Variants in KIF4A observed in about 807,000 individuals in gnomAD.
KIF4A encodes chromosome-associated kinesin KIF4A.
A neutral mutation model predicts 105.9 loss-of-function variants in KIF4A; 7 were observed. The ratio of observed to expected loss-of-function variants is 0.07; its 90% confidence interval spans 0.04 to 0.12. The LOEUF is 0.12. Among genes scored for constraint, KIF4A ranks in the 10% least tolerant of loss-of-function variants. The probability of loss-of-function intolerance (pLI) is 1.00; values close to 1 mark genes in which losing one functional copy is unlikely to be tolerated. For missense variants in KIF4A, 558 were observed against 929.2 expected, an observed-to-expected ratio of 0.60 and a Z score of 5.19; for synonymous variants, 281 against 331.3, an observed-to-expected ratio of 0.85 and a Z score of 1.65.
At chrX:70,315,920 C>T (rs770772567) in intron 7 of KIF4A, among the ~76,000 whole-genome samples, 9 of 111,818 alleles carry the variant, frequency 8.0e-5, no homozygotes, top group Non-Finnish European at 1.5e-4. Flanking sequence ...TCCATCCTTG[C>T]ACTTTGGCTC....
intron 7 of KIF4A, among the ~76,000 whole-genome samples, chrX:70,327,889 A>C (rs759133997): frequency 8.9e-6 from 1 of 111,911 alleles, no homozygotes; most frequent in East Asian, 2.8e-4. Flanking sequence ...ATGTCCAGTG[A>C]GTTCTTAGGA....
chrX:70,353,072 A>G (rs1436373641), intron 14 of KIF4A, among the ~76,000 whole-genome samples: 2 of 112,514 alleles, frequency 1.8e-5, no homozygotes, highest in Non-Finnish European at 3.8e-5. Context: ...AAAAGAACCA[A>G]GGAAAATAAT....
At position 70,385,009 on chromosome X, in the gene KIF4A, G is replaced by T. The variant is rs761394158; in HGVS notation, c.2035-1609G>T. ...GTAGAGACAGAGTTTCGCCATGTTG[G>T]CCAGGCTGGTCTTGAACTCCTGACC... On this transcript the variant is annotated intron_variant, in intron 18 of 30. Coordinates refer to ENST00000374403, the MANE Select transcript of KIF4A (RefSeq NM_012310.5). Among the ~76,000 whole-genome samples the T allele has an allele frequency of 1.7e-3, 182 of 109,737 alleles. 1 individual carries two copies. Among genetic ancestry groups the T allele is most frequent in the Non-Finnish European group, 2.6e-3 (138 of 52,627 alleles).
At chrX:70,293,018 A>T (rs2085767038) in intron 3 of KIF4A, among the ~76,000 whole-genome samples, 1 of 112,113 alleles carries the variant, frequency 8.9e-6, no homozygotes, top group Non-Finnish European at 1.9e-5. Context: ...TGTAAAAACT[A>T]CTAAAACCTC....
rs773619077 is a variant in KIF4A at position 70,330,143 on chromosome X, T to C, written c.896-14T>C. ...TTTCATTTCCTTTCGTTATTCTTTATTGTTCTTTTTCAGATTCTCTAGGAG... is the reference window on the plus strand; with the variant it reads ...TTTCATTTCCTTTCGTTATTCTTTACTGTTCTTTTTCAGATTCTCTAGGAG... On this transcript the variant is annotated splice_polypyrimidine_tract_variant and intron_variant, in intron 8 of 30. Transcript: ENST00000374403. The C allele has an allele frequency of 1.0e-5, 12 of 1,159,496 alleles. No individual in the cohort carries two copies. The highest frequency in any genetic ancestry group is 1.4e-5 in the Non-Finnish European group (12 of 866,739).
At chrX:70,365,567 C>G (rs2086098513) in intron 15 of KIF4A, among the ~76,000 whole-genome samples, 1 of 111,879 alleles carries the variant, frequency 8.9e-6, no homozygotes, top group Non-Finnish European at 1.9e-5. Flanking sequence ...GTATGTTGAA[C>G]CAGCCTTGCA....
chrX:70,409,686 A>G (rs1003264360), intron 28 of KIF4A, among the ~76,000 whole-genome samples: 43 of 109,532 alleles, frequency 3.9e-4, no homozygotes, highest in African/African-American at 1.4e-3. Context: ...AATCGCAGCT[A>G]CTTGGGAGGC....
rs183350212 is a variant in KIF4A, at chrX:70,398,253, G to A, written c.2489+2204G>A. Among the ~76,000 whole-genome samples, 211 of 111,853 alleles carry A rather than the reference G, an allele frequency of 1.9e-3. 2 individuals carry two copies. Among genetic ancestry groups the A allele is most frequent in the African/African-American group, 5.5e-3 (170 of 30,724 alleles). On this transcript the variant is annotated intron_variant, in intron 22 of 30. Coordinates refer to ENST00000374403, the MANE Select transcript of KIF4A (RefSeq NM_012310.5). Reference sequence around the variant, plus strand: ...GGGTTTCACCATGTTGGCCAGGGTGGTCTCGAACTCCTGGCCTCAAGCGAT... The same window carrying A: ...GGGTTTCACCATGTTGGCCAGGGTGATCTCGAACTCCTGGCCTCAAGCGAT...
chrX:70,345,450 C>T (rs1042038479), intron 13 of KIF4A, among the ~76,000 whole-genome samples: 2 of 100,487 alleles, frequency 2.0e-5, no homozygotes, highest in Admixed American at 1.1e-4. Flanking sequence ...GATGACAGAG[C>T]GAGACTTCAT....
intron 20 of KIF4A, among the ~76,000 whole-genome samples, chrX:70,394,410 C>T (rs1348852527): frequency 9.0e-6 from 1 of 110,986 alleles, no homozygotes; most frequent in Non-Finnish European, 1.9e-5. Flanking sequence ...CACTATGTTG[C>T]TCAGGCTGGT....
rs2086137680 is a variant in KIF4A, at chrX:70,371,891, G to T, written c.1675-2260G>T. The stretch of plus-strand genomic sequence containing the variant: ...AGGGGCTCCTCACTTCTCAGACGGG[G>T]CGGTTGCCAGGCGGAGGGTCTCCTC... On this transcript the variant is annotated intron_variant, in intron 15 of 30. Coordinates refer to ENST00000374403, the MANE Select transcript of KIF4A (RefSeq NM_012310.5). Among the ~76,000 whole-genome samples, 5 of 104,667 alleles carry T rather than the reference G, an allele frequency of 4.8e-5. No individual in the cohort carries two copies. In the South Asian group the frequency reaches 2.3e-3, roughly 49 times the overall value. 90.9% of individuals were successfully genotyped at this position (104,667 alleles called of 115,157 possible). A position where few individuals can be genotyped will look rare whatever the true frequency, so the allele number is the denominator to read the frequency against.
chrX:70,384,856 A>G (rs2086211682), intron 18 of KIF4A, among the ~76,000 whole-genome samples: 2 of 107,385 alleles, frequency 1.9e-5, no homozygotes, highest in African/African-American at 6.8e-5. Flanking sequence ...TCACCCTGTC[A>G]TCCAGGCTGG....
intron 28 of KIF4A, among the ~76,000 whole-genome samples, chrX:70,416,119 G>A (rs937265641): frequency 3.8e-4 from 42 of 109,449 alleles, no homozygotes; most frequent in African/African-American, 1.3e-3. Flanking sequence ...TGCCCGCCTC[G>A]GCCTCCCAAA....
At chrX:70,393,192 T>C (rs774890974) in intron 20 of KIF4A, among the ~76,000 whole-genome samples, 2 of 111,199 alleles carry the variant, frequency 1.8e-5, no homozygotes, top group Non-Finnish European at 3.8e-5. Context: ...CTTTGACCCA[T>C]GGGTTATTTA....
chrX:70,412,880 C>A (rs2086327575), intron 28 of KIF4A, among the ~76,000 whole-genome samples: 1 of 108,503 alleles, frequency 9.2e-6, no homozygotes, highest in Non-Finnish European at 1.9e-5. Context: ...GAGCTCTGAT[C>A]ATGCCACTGC....
intron 3 of KIF4A, among the ~76,000 whole-genome samples, chrX:70,296,083 CTTTT>C (rs386417082): frequency 1.5e-5 from 1 of 65,028 alleles, no homozygotes; most frequent in Non-Finnish European, 2.6e-5. Context: ...ATAAATGATG[CTTTT>C]TTTTTTTTTT....
At chrX:70,308,588 TC>T (rs2085836306) in intron 7 of KIF4A, among the ~76,000 whole-genome samples, 1 of 112,386 alleles carries the variant, frequency 8.9e-6, no homozygotes, top group South Asian at 3.7e-4. Context: ...TTTTATCTCT[TC>T]GTGATACAAC....
At chrX:70,406,091 T>C (rs1363178661) in intron 26 of KIF4A, among the ~76,000 whole-genome samples, 168 bp from the exon 27 acceptor site, 2 of 111,951 alleles carry the variant, frequency 1.8e-5, no homozygotes, top group Non-Finnish European at 1.9e-5. Flanking sequence ...ATTTTCTGAA[T>C]CTAATATTGT....
At chrX:70,328,992 C>G (rs1041952949) in intron 7 of KIF4A, among the ~76,000 whole-genome samples, 3 of 111,497 alleles carry the variant, frequency 2.7e-5, no homozygotes, top group Admixed American at 9.5e-5. Flanking sequence ...AACCTCTGAG[C>G]TTCTTTCTTT....
Sources: gnomAD v4.1 joint callset for allele counts (sites outside exome capture counted in the v4.1 genomes callset) on GRCh38, gnomAD v4.1.1 for gene constraint, MANE v1.5 for transcripts, NCBI Gene and HGNC (gene_info 2026-07-23, HGNC 2026-07-21) for gene names.